Variants in LRP1B observed in about 807,000 individuals in gnomAD.
LRP1B encodes the protein LDL receptor related protein 1B.
Under a neutral mutation model 556.6 loss-of-function variants are expected in LRP1B, and 217 were observed. That is an observed-to-expected ratio of 0.39 (90% CI 0.35 to 0.44). The LOEUF is 0.44. LRP1B is among the 20% of genes least tolerant of loss of function. LRP1B has a pLI of 1.00. For missense variants in LRP1B, 5,053 were observed against 5,620.8 expected, an observed-to-expected ratio of 0.90 and a Z score of 3.23; for synonymous variants, 2,047 against 1,865.8, an observed-to-expected ratio of 1.10 and a Z score of -2.50.
intron 41 of LRP1B, among the ~76,000 whole-genome samples, chr2:140,655,108 G>A (rs1450054628): frequency 6.6e-6 from 1 of 151,632 alleles, no homozygotes; most frequent in East Asian, 1.9e-4. Flanking sequence ...ATCTCCTATT[G>A]TACAAATTCT....
intron 43 of LRP1B, among the ~76,000 whole-genome samples, chr2:140,591,821 T>C (rs1173057080): frequency 6.6e-6 from 1 of 152,210 alleles, no homozygotes; most frequent in African/African-American, 2.4e-5. Context: ...ATTTAATATA[T>C]ACTTATTATT....
chr2:141,093,013 G>A (rs1288232923), intron 7 of LRP1B, among the ~76,000 whole-genome samples: 1 of 151,252 alleles, frequency 6.6e-6, no homozygotes, highest in African/African-American at 2.4e-5. Context: ...CAAAGAGGCT[G>A]GAGAGGAAGG....
At chr2:141,639,402 ATATGTGTATATATATATATATT>A (rs1689243573) in intron 2 of LRP1B, among the ~76,000 whole-genome samples, 9 of 126,090 alleles carry the variant, frequency 7.1e-5, no homozygotes, top group African/African-American at 2.6e-4. Context: ...ACATATATAT[ATATGTGTATATATATATATATT>A]TTTTTTTGAG....
At chr2:142,000,412 A>G (rs1702619369) in intron 1 of LRP1B, among the ~76,000 whole-genome samples, 1 of 152,232 alleles carries the variant, frequency 6.6e-6, no homozygotes, top group Non-Finnish European at 1.5e-5. Context: ...ATACATAATT[A>G]CAATCATTTC....
intron 66 of LRP1B, among the ~76,000 whole-genome samples, chr2:140,411,660 A>C (rs1684974302): frequency 6.6e-6 from 1 of 152,026 alleles, no homozygotes; most frequent in African/African-American, 2.4e-5. Flanking sequence ...AATGATATTC[A>C]CTGGATCCAG....
At chr2:140,543,262 A>G (rs1376230302) in intron 43 of LRP1B, among the ~76,000 whole-genome samples, 1 of 152,066 alleles carries the variant, frequency 6.6e-6, no homozygotes, top group African/African-American at 2.4e-5. Flanking sequence ...CACTTTAAGA[A>G]ACTAGAAGAA....
rs1220644581 is a variant in LRP1B at position 140,583,162 on chromosome 2, C to CTTTTTTTTTTTTTT, written c.7194+15468_7194+15469insAAAAAAAAAAAAAA. Reference sequence around the variant, plus strand: ...TGAAAGTTTCTATTGACAGTTTCTCCTTTTTTTTCTTTTTTTTTTTTTTTT... The same window carrying CTTTTTTTTTTTTTT: ...TGAAAGTTTCTATTGACAGTTTCTCCTTTTTTTTTTTTTTTTTTTTTTCTTTTTTTTTTTTTTTT... On this transcript the variant is annotated intron_variant, in intron 43 of 90. Transcript: ENST00000389484. Among the ~76,000 whole-genome samples the CTTTTTTTTTTTTTT allele has an allele frequency of 8.3e-5, 9 of 107,818 alleles. 2 individuals carry two copies. The highest frequency in any genetic ancestry group is 2.1e-4 in the Admixed American group (2 of 9,454). The allele number at this position is 107,818 out of a possible 152,430, so 70.7% of individuals were successfully genotyped here. A position where few individuals can be genotyped will look rare whatever the true frequency, so the allele number is the denominator to read the frequency against.
chr2:141,559,496 T>C (rs1413555872), intron 2 of LRP1B, among the ~76,000 whole-genome samples: 1 of 151,798 alleles, frequency 6.6e-6, no homozygotes, highest in Non-Finnish European at 1.5e-5. Context: ...TTAAAAATGA[T>C]ATCATTCATC....
At chr2:141,144,317 G>A (rs1319870447) in intron 7 of LRP1B, among the ~76,000 whole-genome samples, 4 of 152,114 alleles carry the variant, frequency 2.6e-5, no homozygotes, top group Admixed American at 2.6e-4. Flanking sequence ...TAGCCAATAA[G>A]TTGTCACCAG....
chr2:140,532,687 G>A (rs182816509), intron 47 of LRP1B, among the ~76,000 whole-genome samples: 2,624 of 151,842 alleles, frequency 0.017, 24 homozygotes, highest in Middle Eastern at 0.027. Context: ...GAGCCACCAC[G>A]CCTGGCCCTT....
At chr2:140,505,358 C>T (rs1332490967) in intron 53 of LRP1B, among the ~76,000 whole-genome samples, 4 of 152,116 alleles carry the variant, frequency 2.6e-5, no homozygotes, top group Non-Finnish European at 4.4e-5. Context: ...TTAACCACCA[C>T]ACACCACGCT....
chr2:140,344,951 A>T (rs1681577131), intron 77 of LRP1B, among the ~76,000 whole-genome samples: 1 of 151,768 alleles, frequency 6.6e-6, no homozygotes, highest in Non-Finnish European at 1.5e-5. Context: ...TTGGTGATTC[A>T]CCTTAGAATC....
rs552859495 is a variant in LRP1B at position 140,458,832 on chromosome 2, T to G, written c.9626-1181A>C. On this transcript the variant is annotated intron_variant, in intron 60 of 90. Coordinates refer to ENST00000389484, the MANE Select transcript of LRP1B (RefSeq NM_018557.3). ...AAGTAAATATTTTAAATTTTTTGAT[T>G]TTTTATTTGTATTCTGATAGGCCAA... Among the ~76,000 whole-genome samples, 9 of 152,046 alleles carry G rather than the reference T, an allele frequency of 5.9e-5. No homozygotes were observed. The East Asian group carries it at 1.7e-3, about 29-fold the overall frequency.
chr2:141,409,198 C>G (rs913869885), intron 3 of LRP1B, among the ~76,000 whole-genome samples: 2 of 152,090 alleles, frequency 1.3e-5, no homozygotes, highest in Non-Finnish European at 2.9e-5. Context: ...TCTTGACACA[C>G]GTTAAGTTAT....
intron 31 of LRP1B, among the ~76,000 whole-genome samples, chr2:140,819,223 G>A (rs1691235912): frequency 7.2e-6 from 1 of 139,358 alleles, no homozygotes; most frequent in Non-Finnish European, 1.6e-5. Context: ...TCCCTTTCAA[G>A]CTAAGGCTCT....
chr2:141,043,863 C>T (rs940444207), intron 11 of LRP1B, among the ~76,000 whole-genome samples: 1 of 151,888 alleles, frequency 6.6e-6, no homozygotes, highest in Admixed American at 6.6e-5. Flanking sequence ...TCTTAAGATT[C>T]AATGCCATCC....
At chr2:142,042,723 A>G (rs1704106553) in intron 1 of LRP1B, among the ~76,000 whole-genome samples, 1 of 151,588 alleles carries the variant, frequency 6.6e-6, no homozygotes, top group East Asian at 1.9e-4. Flanking sequence ...TGGTCTAACC[A>G]CCTGAATTCT....
intron 3 of LRP1B, among the ~76,000 whole-genome samples, chr2:141,272,995 C>T (rs535622015): frequency 1.3e-5 from 2 of 152,208 alleles, no homozygotes; most frequent in Admixed American, 1.3e-4. Flanking sequence ...ACATCTTGTC[C>T]AACAATAGCA....
At position 140,274,442 on chromosome 2, in the gene LRP1B, C is replaced by G. The variant is rs2104951815; in HGVS notation, c.13124G>C (p.Ser4375Thr). The change falls in exon 85 of 91, where the codon AGT (serine) becomes ACT (threonine). Residue 4375 changes from serine (S) to threonine (T), a missense_variant. This residue lies in a region of LRP1B where 551 missense variants were observed against 592.0 expected (regional missense o/e 0.93). Transcript: ENST00000389484. ...HGGHCIINKD[S>T]EDIFCNCTNG... ...CACTTACTTGCAAAATATATCTTCA[C>G]TGTCTTTATTTATAATGCAGTGCCC... 6.2e-7 allele frequency: 1 copy of G among 1,612,244 alleles called. No homozygotes were observed. Among genetic ancestry groups the G allele is most frequent in the Non-Finnish European group, 8.5e-7 (1 of 1,178,866 alleles).
Sources: gnomAD v4.1 joint callset for allele counts (sites outside exome capture counted in the v4.1 genomes callset) on GRCh38, gnomAD v4.1.1 for gene constraint, gnomAD v4.1.1 regional missense constraint, MANE v1.5 for transcripts, NCBI Gene and HGNC (gene_info 2026-07-23, HGNC 2026-07-21) for gene names.